KCNB2: variants seen among roughly 807,000 people sequenced by gnomAD.
KCNB2 encodes delayed rectifier potassium channel protein.
In KCNB2, 15 loss-of-function variants were observed where a neutral mutation model predicts 61.5. The observed-to-expected ratio is 0.24, with a 90% CI of 0.16 to 0.38. The LOEUF (loss-of-function observed/expected upper bound fraction) is 0.38. Ranked by LOEUF, KCNB2 falls within the 10% of genes least tolerant of loss-of-function variation. The pLI is 1.00. For synonymous variants in KCNB2, 457 were observed against 446.0 expected, an observed-to-expected ratio of 1.02 and a Z score of -0.31; for missense variants, 828 against 1,125.2, an observed-to-expected ratio of 0.74 and a Z score of 3.78.
intron 2 of KCNB2, among the ~76,000 whole-genome samples, chr8:72,663,575 A>C (rs1454969434): frequency 1.3e-5 from 2 of 152,120 alleles, no homozygotes; most frequent in African/African-American, 4.8e-5. Flanking sequence ...TTTCATCTTT[A>C]TTATAATTTA....
intron 1 of KCNB2, among the ~76,000 whole-genome samples, chr8:72,566,671 G>C (rs1388424656): frequency 6.7e-6 from 1 of 149,790 alleles, no homozygotes; most frequent in Non-Finnish European, 1.5e-5. Context: ...TGTGCAGTGA[G>C]CTGAGATTGT....
chr8:72,602,594 G>A (rs1211268396), intron 2 of KCNB2, among the ~76,000 whole-genome samples: 1 of 152,114 alleles, frequency 6.6e-6, no homozygotes, highest in Non-Finnish European at 1.5e-5. Flanking sequence ...TAAAATGACT[G>A]TTGCCGAAGC....
chr8:72,891,231 G>A (rs1805891480), intron 2 of KCNB2, among the ~76,000 whole-genome samples: 1 of 152,110 alleles, frequency 6.6e-6, no homozygotes, highest in African/African-American at 2.4e-5. Flanking sequence ...ATGTTTTCTT[G>A]GCACTGTAAA....
intron 2 of KCNB2, among the ~76,000 whole-genome samples, chr8:72,882,556 A>AGAGAGAGAGAGAGAGAGAG (rs10691208): frequency 4.1e-4 from 59 of 142,758 alleles, no homozygotes; most frequent in Non-Finnish European, 5.1e-4. Flanking sequence ...AGAGAGAGAG[A>AGAGAGAGAGAGAGAGAGAG]ATGTGTGTCT....
At chr8:72,595,405 A>G (rs916539225) in intron 2 of KCNB2, among the ~76,000 whole-genome samples, 7 of 150,634 alleles carry the variant, frequency 4.6e-5, no homozygotes, top group African/African-American at 1.7e-4. Flanking sequence ...GGCTCACTGC[A>G]ACCTCTGCCT....
chr8:72,653,742 T>G (rs1806246880), intron 2 of KCNB2, among the ~76,000 whole-genome samples: 2 of 152,140 alleles, frequency 1.3e-5, no homozygotes, highest in South Asian at 4.1e-4. Flanking sequence ...ACAGAGACCA[T>G]ATAGCCCACA....
Position 72,821,641 on chromosome 8 carries a change from C to CA in KCNB2, c.580-114275dup, listed in dbSNP as rs61090576. Among the ~76,000 whole-genome samples, 801 of 125,596 alleles carry CA rather than the reference C, an allele frequency of 6.4e-3. 5 individuals carry two copies. Among genetic ancestry groups the CA allele is most frequent in the Non-Finnish European group, 0.01 (639 of 61,694 alleles). 82.4% of individuals were successfully genotyped at this position (125,596 alleles called of 152,430 possible). On this transcript the variant is annotated intron_variant, in intron 2 of 2. Transcript: ENST00000523207. ...TCCTACACACACACACAAAAAAAAA[C>CA]AAAAAAAAAAAAAAAAAAACACACA...
intron 2 of KCNB2, among the ~76,000 whole-genome samples, chr8:72,703,419 G>T (rs555261472): frequency 6.6e-6 from 1 of 152,152 alleles, no homozygotes; most frequent in Non-Finnish European, 1.5e-5. Context: ...CAACATCACT[G>T]CCACAACCTC....
At chr8:72,851,845 AAAAC>A (rs1439422886) in intron 2 of KCNB2, among the ~76,000 whole-genome samples, 2 of 148,030 alleles carry the variant, frequency 1.4e-5, no homozygotes, top group Non-Finnish European at 3.0e-5. Context: ...AAAAAAAAAA[AAAAC>A]ACGTACTGCT....
intron 2 of KCNB2, among the ~76,000 whole-genome samples, chr8:72,904,391 G>C (rs1354757688): frequency 6.6e-6 from 1 of 152,104 alleles, no homozygotes; most frequent in Non-Finnish European, 1.5e-5. Context: ...GAGAGGATCA[G>C]GAAGAATAAC....
intron 2 of KCNB2, among the ~76,000 whole-genome samples, chr8:72,683,018 T>G (rs1383525776): frequency 6.6e-6 from 1 of 152,218 alleles, no homozygotes; most frequent in African/African-American, 2.4e-5. Flanking sequence ...TTATCGTGTA[T>G]CTATATAATA....
intron 2 of KCNB2, among the ~76,000 whole-genome samples, chr8:72,666,928 A>T (rs1806482665): frequency 1.3e-5 from 2 of 152,258 alleles, no homozygotes; most frequent in South Asian, 4.1e-4. Flanking sequence ...CTGAAGTAGA[A>T]TAAAAAAGAA....
At chr8:72,619,999 C>T (rs1408130961) in intron 2 of KCNB2, among the ~76,000 whole-genome samples, 1 of 152,006 alleles carries the variant, frequency 6.6e-6, no homozygotes, top group African/African-American at 2.4e-5. Flanking sequence ...TAAAGACTTA[C>T]AACAAAAAAG....
chr8:72,873,575 A>C (rs946576373), intron 2 of KCNB2, among the ~76,000 whole-genome samples: 1 of 152,230 alleles, frequency 6.6e-6, no homozygotes, highest in East Asian at 1.9e-4. Context: ...TGCTATCCAT[A>C]AGGGCCTCTG....
At chr8:72,712,030 A>G (rs1485715348) in intron 2 of KCNB2, among the ~76,000 whole-genome samples, 2 of 152,182 alleles carry the variant, frequency 1.3e-5, no homozygotes, top group African/African-American at 4.8e-5. Flanking sequence ...CTTCTGTCCT[A>G]ATGGATTACT....
chr8:72,816,232 A>T (rs1290579162), intron 2 of KCNB2, among the ~76,000 whole-genome samples: 1 of 152,182 alleles, frequency 6.6e-6, no homozygotes, highest in Non-Finnish European at 1.5e-5. Context: ...TCACCATGAG[A>T]CGTTAGTGAA....
intron 2 of KCNB2, among the ~76,000 whole-genome samples, chr8:72,825,937 T>C (rs1406900755): frequency 6.6e-6 from 1 of 152,192 alleles, no homozygotes; most frequent in Non-Finnish European, 1.5e-5. Context: ...TTGTTGCCTG[T>C]GCTTTTGGTG....
intron 2 of KCNB2, among the ~76,000 whole-genome samples, chr8:72,903,991 C>T (rs1806130331): frequency 6.6e-6 from 1 of 152,110 alleles, no homozygotes; most frequent in Non-Finnish European, 1.5e-5. Flanking sequence ...GCCTTACTCC[C>T]ATTTGAGTAG....
At chr8:72,703,732 C>A (rs972845943) in intron 2 of KCNB2, among the ~76,000 whole-genome samples, 1 of 152,166 alleles carries the variant, frequency 6.6e-6, no homozygotes, top group African/African-American at 2.4e-5. Context: ...ACAAAAAAAT[C>A]TCACTGTAAT....
Sources: allele counts gnomAD v4.1 joint callset (sites outside exome capture counted in the v4.1 genomes callset), GRCh38; gene constraint gnomAD v4.1.1; transcripts MANE v1.5; gene names NCBI Gene and HGNC (gene_info 2026-07-23, HGNC 2026-07-21).